TTC12: variants seen among roughly 807,000 people sequenced by gnomAD.
The protein encoded by TTC12 is tetratricopeptide repeat protein 12.
Under a neutral mutation model 90.1 loss-of-function variants are expected in TTC12, and 70 were observed. The ratio of observed to expected loss-of-function variants is 0.78; its 90% CI spans 0.64 to 0.95. TTC12 has a LOEUF of 0.95. Ranked by LOEUF, TTC12 falls within the 40% of genes least tolerant of loss-of-function variation. The pLI is 0.00. For synonymous variants in TTC12, 296 were observed against 311.5 expected (o/e 0.95, Z 0.53); for missense variants, 819 against 846.1 (o/e 0.97, Z 0.40).
At chr11:113,327,963 C>G (rs45627831) in intron 6 of TTC12, among the ~76,000 whole-genome samples, 9,014 of 152,272 alleles carry the variant, frequency 0.059, 388 homozygotes, top group South Asian at 0.12. Context: ...TGGCTGTTGC[C>G]TACTCCCTCC....
intron 13 of TTC12, among the ~76,000 whole-genome samples, chr11:113,344,880 A>G (rs1591581083): frequency 6.6e-6 from 1 of 152,338 alleles, no homozygotes; most frequent in South Asian, 2.1e-4. Flanking sequence ...TAAATAAAAC[A>G]TTTCAAATAC....
chr11:113,361,699 C>T (rs1004677398), intron 18 of TTC12, among the ~76,000 whole-genome samples: 1 of 152,166 alleles, frequency 6.6e-6, no homozygotes, highest in Non-Finnish European at 1.5e-5. Context: ...TTCTGATAAA[C>T]TTCCCATAAA....
At chr11:113,316,502 G>A (rs117286758) in intron 2 of TTC12, among the ~76,000 whole-genome samples, 187 bp downstream of exon 2, 4,262 of 152,306 alleles carry the variant, frequency 0.028, 84 homozygotes, top group Non-Finnish European at 0.045. Flanking sequence ...CTGTTAATTG[G>A]TATCAGAGAA....
chr11:113,320,931 T>C (rs1287087289), intron 2 of TTC12, among the ~76,000 whole-genome samples: 1 of 152,064 alleles, frequency 6.6e-6, no homozygotes, highest in East Asian at 1.9e-4. Flanking sequence ...TAGTCTTTGC[T>C]ACTCAGGAGG....
At position 113,323,338 on chromosome 11, in the gene TTC12, G is replaced by A. The variant is rs781984139; in HGVS notation, c.109G>A (p.Ala37Thr). The A allele has an allele frequency of 6.2e-7, 1 of 1,611,116 alleles. No individual in the cohort carries two copies. The highest frequency in any genetic ancestry group is 1.1e-5 in the South Asian group (1 of 90,384). ...TGATGACCCAGTTGTGCAACAGAAA[G>A]CTGTCCTGGAGACAGAAAAGAGACT... ...NSDDPVVQQK[A>T]VLETEKRLLL... The change falls in exon 3 of 22, where the codon GCT becomes ACT. Residue 37 changes from alanine to threonine, a missense_variant. Physicochemically the swap from Ala to Thr is moderately conservative, Grantham distance 58. Transcript: ENST00000529221.
At chr11:113,346,160 T>G (rs1948942680) in intron 13 of TTC12, among the ~76,000 whole-genome samples, 1 of 152,184 alleles carries the variant, frequency 6.6e-6, no homozygotes, top group African/African-American at 2.4e-5. Context: ...GAATGTGTGC[T>G]GGCCAAGGGC....
chr11:113,368,132 C>T (rs886176997), downstream of TTC12: 123 of 1,300,206 alleles, frequency 9.5e-5, no homozygotes, highest in Non-Finnish European at 1.2e-4. Flanking sequence ...TAGGTGTATT[C>T]TCTTCCCCAA....
At chr11:113,368,153 A>C, downstream of TTC12, 3 of 1,347,076 alleles carry the variant, frequency 2.2e-6, no homozygotes, top group Non-Finnish European at 2.9e-6. Context: ...AGAGTGGGGA[A>C]TGTCAAATTA....
downstream of TTC12, chr11:113,366,477 G>A: frequency 8.7e-7 from 1 of 1,154,524 alleles, no homozygotes; most frequent in African/African-American, 1.6e-5. Flanking sequence ...CTGCTGTGGT[G>A]GGCTCTGTGC....
chr11:113,314,609 G>A lies in TTC12; in HGVS notation c.-25G>A, dbSNP rs1555134263. On this transcript the variant is annotated 5_prime_UTR_variant, in exon 1 of 22. Transcript: ENST00000529221. ...CTGCGCCATTTCCTGTCCAAAGCTGGGCGAATCAGGTCGGTGCCGCGGGGT... is the reference window on the plus strand; with the variant it reads ...CTGCGCCATTTCCTGTCCAAAGCTGAGCGAATCAGGTCGGTGCCGCGGGGT... 6.5e-6 allele frequency: 1 copy of A among 152,916 alleles called. No individual in the cohort carries two copies. Among genetic ancestry groups the A allele is most frequent in the East Asian group, 1.9e-4 (1 of 5,194 alleles). 9.5% of individuals were successfully genotyped at this position (152,916 alleles called of 1,614,324 possible).
chr11:113,320,731 G>A (rs1455627776), intron 2 of TTC12, among the ~76,000 whole-genome samples: 1 of 152,230 alleles, frequency 6.6e-6, no homozygotes, highest in African/African-American at 2.4e-5. Context: ...GGGCTAAAAG[G>A]ACACGCTGTA....
chr11:113,324,336 T>C, intron 4 of TTC12: 1 of 539,428 alleles, frequency 1.9e-6, no homozygotes, highest in South Asian at 2.7e-5. Flanking sequence ...AAAAAATCTC[T>C]CTTCAAAGAA....
intron 8 of TTC12, 29 bp from the exon 9 acceptor site, chr11:113,338,745 C>G (rs1555144862): frequency 6.3e-7 from 1 of 1,588,950 alleles, no homozygotes; most frequent in East Asian, 2.2e-5. Flanking sequence ...ACCCCAACCA[C>G]TCTTCAAGGT....
rs763755893 is a variant in TTC12, at chr11:113,363,830, A to G, written c.1719A>G (p.Thr573=). The G allele has an allele frequency of 1.2e-6, 2 of 1,603,634 alleles. No homozygotes were observed. The highest frequency in any genetic ancestry group is 2.2e-5 in the South Asian group (2 of 90,164). ...VVKKMMKFLK[T]GGETASRYAI... The stretch of plus-strand genomic sequence containing the variant: ...TCTAATTTCATTCTGAAATCTAGAC[A>G]GGAGGTGAGACTGCATCACGTTATG... The change falls in exon 20 of 22, where the codon ACA becomes ACG. Residue 573 remains threonine (T), a splice_region_variant and synonymous_variant. Transcript: ENST00000529221.
At chr11:113,339,500 A>C in intron 10 of TTC12, 26 bp downstream of exon 10, 660 of 1,571,770 alleles carry the variant, frequency 4.2e-4, no homozygotes, top group Non-Finnish European at 5.2e-4. Context: ...GTGTGATCTC[A>C]TGAGTGCTGT....
chr11:113,337,423 G>C (rs1180364559), intron 8 of TTC12, among the ~76,000 whole-genome samples: 1 of 152,188 alleles, frequency 6.6e-6, no homozygotes, highest in African/African-American at 2.4e-5. Context: ...GTTTTATATA[G>C]AGGGGTAAGA....
At chr11:113,323,757 C>G (rs1947506116) in intron 3 of TTC12, among the ~76,000 whole-genome samples, 1 of 152,122 alleles carries the variant, frequency 6.6e-6, no homozygotes, top group Non-Finnish European at 1.5e-5. Flanking sequence ...TAAGCCACAG[C>G]TGAGGTCCCT....
At chr11:113,364,736 G>A (rs768579420) in intron 20 of TTC12, 99 bp from the exon 21 acceptor site, 16 of 903,772 alleles carry the variant, frequency 1.8e-5, no homozygotes, top group Non-Finnish European at 2.1e-5. Flanking sequence ...GGGGAAGCTC[G>A]GTGTCCGCTG....
rs1421497667 is a variant in TTC12, at chr11:113,351,251, G to T, written c.1260G>T (p.Trp420Cys). Residue 420 changes from tryptophan (W) to cysteine (C), a missense_variant, in exon 15 of 22, where the codon TGG becomes TGT. Coordinates refer to ENST00000529221, the MANE Select transcript of TTC12 (RefSeq NM_017868.4). ...GGTTTCTCAACAGATTCCAAGTCTG[G>T]TTCCAGGCCAACCTTCCAGGTGTTC... ...DLALEERFQV[W>C]FQANLPGVLP... 1.9e-6 allele frequency: 3 copies of T among 1,613,956 alleles called. No individual in the cohort carries two copies. The African/African-American group carries it at 4.0e-5, about 22-fold the overall frequency.
Sources: allele counts gnomAD v4.1 joint callset (sites outside exome capture counted in the v4.1 genomes callset), GRCh38; gene constraint gnomAD v4.1.1; transcripts MANE v1.5; gene names NCBI Gene and HGNC (gene_info 2026-07-23, HGNC 2026-07-21).